Variants in RFX7 observed in about 807,000 individuals in gnomAD.
RFX7 encodes regulatory factor X7, also known as DNA-binding protein RFX7.
In RFX7, 26 loss-of-function variants were observed where a neutral mutation model predicts 111.8. The observed-to-expected ratio is 0.23, with a 90% CI of 0.17 to 0.32. RFX7 has a LOEUF of 0.32. RFX7 is among the 10% of genes least tolerant of loss of function. The pLI, the probability that RFX7 is intolerant of heterozygous loss-of-function variation, is 1.00. For synonymous variants in RFX7, 624 were observed against 624.4 expected (o/e 1.00, Z 0.01); for missense variants, 1,573 against 1,772.9 (o/e 0.89, Z 2.02).
intron 2 of RFX7, among the ~76,000 whole-genome samples, chr15:56,238,086 G>A (rs1171310368): frequency 2.0e-5 from 3 of 152,112 alleles, no homozygotes; most frequent in Non-Finnish European, 4.4e-5. Flanking sequence ...TATAGTACAT[G>A]TTTTCCACTG....
chr15:56,137,330 T>TAGGA (rs2042318561), intron 5 of RFX7, among the ~76,000 whole-genome samples: 1 of 152,238 alleles, frequency 6.6e-6, no homozygotes, highest in African/African-American at 2.4e-5. Context: ...AACTTCTTCC[T>TAGGA]GGTTTAGTCT....
At position 56,087,666 on chromosome 15, in the gene RFX7, G is replaced by A. The variant is rs1163740725; in HGVS notation, c.*5679C>T. 2.4e-6 allele frequency: 1 copy of A among 420,322 alleles called. No individual in the cohort carries two copies. The allele number at this position is 420,322 out of a possible 1,614,324, so 26.0% of individuals were successfully genotyped here. On this transcript the variant is annotated 3_prime_UTR_variant, in exon 10 of 10. Transcript: ENST00000559447. ...AAGGACTTTTACAGTAAAGAAGAAG[G>A]GGAGAATGCATACTACTGGTAAGTA...
At chr15:56,098,529 C>T (rs1357085079) in intron 8 of RFX7, among the ~76,000 whole-genome samples, 153 bp from the exon 9 acceptor site, 4 of 152,160 alleles carry the variant, frequency 2.6e-5, no homozygotes, top group Admixed American at 6.5e-5. Context: ...CATTAGACTT[C>T]GAATTTATAA....
intron 5 of RFX7, among the ~76,000 whole-genome samples, chr15:56,142,331 G>C (rs1379269477): frequency 2.0e-5 from 3 of 152,016 alleles, no homozygotes; most frequent in Non-Finnish European, 4.4e-5. Flanking sequence ...AATATTCTTT[G>C]GTATGGAGAA....
Position 56,093,544 on chromosome 15 carries a change from T to C in RFX7, c.4184A>G (p.Asn1395Ser), listed in dbSNP as rs368855163. Reference protein sequence around the residue: ...RLSSELSGSINDLNTLDPNLL... With the variant: ...RLSSELSGSISDLNTLDPNLL... ...ATTTGGGTCTAAAGTGTTCAAATCA[T>C]TGATGCTGCCTGAGAGCTCAGAAGA... is the stretch of plus-strand genomic sequence containing the variant. Residue 1395 changes from asparagine (N) to serine (S), a missense_variant, in exon 10 of 10, where the codon AAT becomes AGT. By Grantham distance (46) the Asn-to-Ser change is conservative (BLOSUM62 1). Coordinates refer to ENST00000559447, the MANE Select transcript of RFX7 (RefSeq NM_022841.7). 3.7e-5 allele frequency: 59 copies of C among 1,613,756 alleles called. No homozygotes were observed. The East Asian group carries it at 4.0e-4, about 11-fold the overall frequency.
chr15:56,215,884 T>C (rs1435716861), intron 2 of RFX7, among the ~76,000 whole-genome samples: 1 of 152,188 alleles, frequency 6.6e-6, no homozygotes, highest in East Asian at 1.9e-4. Flanking sequence ...AGGAGCTGCA[T>C]TATCATTTCC....
intron 2 of RFX7, among the ~76,000 whole-genome samples, chr15:56,210,594 G>C (rs1368295265): frequency 6.6e-6 from 1 of 151,958 alleles, no homozygotes; most frequent in Non-Finnish European, 1.5e-5. Context: ...TTTAAAAATA[G>C]AAATTATAGA....
At chr15:56,109,644 C>T (rs1405893529) in intron 5 of RFX7, among the ~76,000 whole-genome samples, 3 of 151,822 alleles carry the variant, frequency 2.0e-5, no homozygotes, top group East Asian at 2.0e-4. Context: ...AAGTGAGGAG[C>T]GTCTCTGTCC....
At chr15:56,192,294 G>A in intron 2 of RFX7, 1 of 192,766 alleles carries the variant, frequency 5.2e-6, no homozygotes, top group East Asian at 1.3e-4. Context: ...CACTTTGGGT[G>A]CTGGCTGGTA....
At chr15:56,195,063 A>T (rs2043134656) in intron 2 of RFX7, among the ~76,000 whole-genome samples, 1 of 152,188 alleles carries the variant, frequency 6.6e-6, no homozygotes, top group East Asian at 1.9e-4. Flanking sequence ...TTAAAATGAA[A>T]TATTATTCAA....
intron 3 of RFX7, among the ~76,000 whole-genome samples, chr15:56,144,934 C>T (rs909856867): frequency 2.0e-5 from 3 of 152,078 alleles, no homozygotes; most frequent in African/African-American, 7.2e-5. Context: ...TTCTAGAATC[C>T]GTTTCTAATT....
At chr15:56,149,879 AG>A (rs2141043818) in intron 3 of RFX7, among the ~76,000 whole-genome samples, 1 of 152,126 alleles carries the variant, frequency 6.6e-6, no homozygotes, top group South Asian at 2.1e-4. Context: ...TCCCCTGGAA[AG>A]GGGCGCTGAA....
intron 2 of RFX7, among the ~76,000 whole-genome samples, chr15:56,216,958 G>A (rs367950639): frequency 6.6e-6 from 1 of 151,962 alleles, no homozygotes; most frequent in Non-Finnish European, 1.5e-5. Context: ...GTGGCTCTAC[G>A]GATATTCTTT....
chr15:56,233,218 G>A (rs1452775244), intron 2 of RFX7, among the ~76,000 whole-genome samples: 2 of 152,202 alleles, frequency 1.3e-5, no homozygotes, highest in Non-Finnish European at 2.9e-5. Flanking sequence ...TGGCAGGGAG[G>A]CCGCACAATC....
At chr15:56,110,255 CGGGA>C (rs2041900873) in intron 5 of RFX7, among the ~76,000 whole-genome samples, 1 of 85,552 alleles carries the variant, frequency 1.2e-5, no homozygotes, top group Non-Finnish European at 2.5e-5. Flanking sequence ...CCGCCCCGTC[CGGGA>C]GGGAGGTGGG....
Position 56,094,846 on chromosome 15 carries a change from G to T in RFX7, c.2882C>A (p.Thr961Asn), listed in dbSNP as rs1422702534. 4 of 1,557,214 alleles carry T rather than the reference G, an allele frequency of 2.6e-6. No homozygotes were observed. Among genetic ancestry groups the T allele is most frequent in the Non-Finnish European group, 3.5e-6 (4 of 1,150,826 alleles). The change falls in exon 10 of 10, where the codon ACC (threonine) becomes AAC (asparagine). Residue 961 changes from threonine (T) to asparagine (N), a missense_variant. Coordinates refer to ENST00000559447, the MANE Select transcript of RFX7 (RefSeq NM_022841.7). ...TPTPTPTPTP[T>N]PTPTSEMIAG... ...AATCATTTCAGATGTCGGGGTTGGG[G>T]TTGGGGTTGGAGTAGGAGTGGGTGT...
At chr15:56,180,522 C>T (rs1243918143) in intron 2 of RFX7, among the ~76,000 whole-genome samples, 1 of 152,092 alleles carries the variant, frequency 6.6e-6, no homozygotes. Context: ...CCAGTTTCCT[C>T]TGAGATGTGA....
chr15:56,107,920 A>G (rs969946985), intron 5 of RFX7, among the ~76,000 whole-genome samples: 4 of 152,264 alleles, frequency 2.6e-5, no homozygotes, highest in African/African-American at 9.6e-5. Context: ...AGAGAATACT[A>G]TAAACACCTC....
At chr15:56,208,578 T>C (rs1394090991) in intron 2 of RFX7, among the ~76,000 whole-genome samples, 4 of 152,100 alleles carry the variant, frequency 2.6e-5, no homozygotes, top group African/African-American at 9.7e-5. Context: ...AAAAACATAG[T>C]CCAATGTGGC....
Sources: allele counts gnomAD v4.1 joint callset (sites outside exome capture counted in the v4.1 genomes callset), GRCh38; gene constraint gnomAD v4.1.1; transcripts MANE v1.5; gene names NCBI Gene and HGNC (gene_info 2026-07-23, HGNC 2026-07-21).